PKHD1: variants seen among roughly 807,000 people sequenced by gnomAD.
The protein encoded by PKHD1 is PKHD1 ciliary IPT domain containing fibrocystin/polyductin.
In PKHD1, 291 loss-of-function variants were observed where a neutral mutation model predicts 412.0. That is an observed-to-expected ratio of 0.71 (90% CI 0.64 to 0.78). The LOEUF is 0.78. Among genes scored for constraint, PKHD1 ranks in the 30% least tolerant of loss-of-function variants. The probability of loss-of-function intolerance (pLI) is 0.00; values close to 1 mark genes in which losing one functional copy is unlikely to be tolerated. For missense variants in PKHD1, 4,825 were observed against 4,950.7 expected, an observed-to-expected ratio of 0.97 and a Z score of 0.76; for synonymous variants, 1,777 against 1,821.5, an observed-to-expected ratio of 0.98 and a Z score of 0.62.
At chr6:51,672,371 A>C (rs1195509206) in intron 60 of PKHD1, among the ~76,000 whole-genome samples, 1 of 152,220 alleles carries the variant, frequency 6.6e-6, no homozygotes, top group African/African-American at 2.4e-5. Flanking sequence ...AGGAATATTT[A>C]GAGTGGAAAG....
At chr6:51,948,942 A>G (rs561994994) in intron 36 of PKHD1, among the ~76,000 whole-genome samples, 2 of 152,300 alleles carry the variant, frequency 1.3e-5, no homozygotes, top group Admixed American at 1.3e-4. Flanking sequence ...TAGGAAGATC[A>G]AGAGAGAAAA....
chr6:52,027,066 T>G (rs1261837748), intron 31 of PKHD1, among the ~76,000 whole-genome samples: 1 of 152,272 alleles, frequency 6.6e-6, no homozygotes, highest in African/African-American at 2.4e-5. Flanking sequence ...TTTCTATTTC[T>G]GAGTCTTTCA....
chr6:51,726,405 A>T (rs1344755852), intron 60 of PKHD1, among the ~76,000 whole-genome samples: 1 of 152,212 alleles, frequency 6.6e-6, no homozygotes, highest in Non-Finnish European at 1.5e-5. Flanking sequence ...TCTTGCTTCA[A>T]CTTGGGACAA....
rs1214804828 is a variant in PKHD1, at chr6:51,764,328, A to T, written c.8642+8374T>A. 5.7e-5 allele frequency among the ~76,000 whole-genome samples: 8 copies of T among 139,968 alleles called. No individual in the cohort carries two copies. The South Asian group carries it at 1.5e-3, about 27-fold the overall frequency. The allele number at this position is 139,968 out of a possible 152,430, so 91.8% of individuals were successfully genotyped here. On this transcript the variant is annotated intron_variant, in intron 55 of 66. Transcript: ENST00000371117. ...ACATGAAAAAATGCTCATCATCACC[A>T]GCCATCAGAGAAATGCAAATCAAAA...
chr6:51,808,427 T>C (rs1344921472), intron 52 of PKHD1, among the ~76,000 whole-genome samples: 2 of 152,088 alleles, frequency 1.3e-5, no homozygotes, highest in East Asian at 3.9e-4. Flanking sequence ...TACACTACTT[T>C]AAAATCTTTT....
intron 65 of PKHD1, among the ~76,000 whole-genome samples, chr6:51,628,555 T>C (rs187361593): frequency 9.0e-4 from 137 of 152,340 alleles, no homozygotes; most frequent in Admixed American, 2.7e-3. Flanking sequence ...CATGTGTCCT[T>C]TTGGTAGACT....
chr6:51,940,774 A>C (rs1179958857), intron 36 of PKHD1, among the ~76,000 whole-genome samples: 1 of 151,432 alleles, frequency 6.6e-6, no homozygotes, highest in Non-Finnish European at 1.5e-5. Flanking sequence ...CCCACTCCAC[A>C]TTACCTTCTT....
chr6:52,065,503 T>C (rs1408813323), intron 12 of PKHD1, among the ~76,000 whole-genome samples: 1 of 152,102 alleles, frequency 6.6e-6, no homozygotes, highest in East Asian at 1.9e-4. Context: ...GCATCCCACC[T>C]GCTACAGGAC....
At chr6:51,901,639 G>A (rs1244539512) in intron 43 of PKHD1, among the ~76,000 whole-genome samples, 8 of 148,672 alleles carry the variant, frequency 5.4e-5, no homozygotes, top group Non-Finnish European at 1.0e-4. Context: ...CATGCACAAT[G>A]TGCTCATGTA....
intron 48 of PKHD1, among the ~76,000 whole-genome samples, chr6:51,856,832 C>T (rs2104028): frequency 0.4 from 61,255 of 152,086 alleles, 13,535 homozygotes; most frequent in East Asian, 0.85. Context: ...TATTGGTATC[C>T]TCTGCCCTGG....
chr6:51,852,459 T>C (rs1772448436), intron 49 of PKHD1, among the ~76,000 whole-genome samples: 1 of 152,202 alleles, frequency 6.6e-6, no homozygotes, highest in South Asian at 2.1e-4. Context: ...ATATCCTTGT[T>C]AATTTTCTGT....
chr6:52,085,091 T>C, intron 1 of PKHD1, 74 bp from the exon 2 acceptor site: 1 of 646,136 alleles, frequency 1.5e-6, no homozygotes, highest in Middle Eastern at 3.4e-4. Context: ...TTCTGAAACC[T>C]GGGAAATTAA....
chr6:51,960,958 A>G (rs1179338833), intron 35 of PKHD1, among the ~76,000 whole-genome samples: 1 of 152,186 alleles, frequency 6.6e-6, no homozygotes, highest in Non-Finnish European at 1.5e-5. Context: ...AAGTTGTAGA[A>G]GTATAATTAC....
intron 60 of PKHD1, among the ~76,000 whole-genome samples, chr6:51,728,606 C>T (rs1188667364): frequency 6.6e-6 from 1 of 152,156 alleles, no homozygotes; most frequent in Non-Finnish European, 1.5e-5. Flanking sequence ...CTGAGTGAGA[C>T]TGAAGGTGAA....
intron 60 of PKHD1, among the ~76,000 whole-genome samples, chr6:51,694,236 T>A (rs868724273): frequency 2.4e-4 from 36 of 152,220 alleles, no homozygotes; most frequent in African/African-American, 8.4e-4. Context: ...AAAAAAATTC[T>A]ACTACATTCT....
At chr6:51,731,299 T>A (rs974286529) in intron 60 of PKHD1, among the ~76,000 whole-genome samples, 2 of 151,938 alleles carry the variant, frequency 1.3e-5, no homozygotes, top group African/African-American at 4.8e-5. Context: ...GGCAAAAAAA[T>A]CAAGTAATTT....
intron 60 of PKHD1, chr6:51,721,656 TC>T: frequency 8.5e-7 from 1 of 1,175,700 alleles, no homozygotes; most frequent in South Asian, 2.8e-5. Context: ...TCTTTCCTAC[TC>T]CCCCATATCT....
At chr6:51,698,360 T>C (rs1277101745) in intron 60 of PKHD1, among the ~76,000 whole-genome samples, 1 of 152,234 alleles carries the variant, frequency 6.6e-6, no homozygotes, top group Non-Finnish European at 1.5e-5. Flanking sequence ...AACAAAATTA[T>C]ATTTTAAAAG....
At chr6:52,064,404 C>T (rs1426184936) in intron 13 of PKHD1, among the ~76,000 whole-genome samples, 1 of 152,226 alleles carries the variant, frequency 6.6e-6, no homozygotes, top group Non-Finnish European at 1.5e-5. Flanking sequence ...AGCTCCCTTG[C>T]CTCCTCCATT....
Sources: allele counts gnomAD v4.1 joint callset (sites outside exome capture counted in the v4.1 genomes callset), GRCh38; gene constraint gnomAD v4.1.1; transcripts MANE v1.5; gene names NCBI Gene and HGNC (gene_info 2026-07-23, HGNC 2026-07-21).